SMARCC1: variants seen among roughly 807,000 people sequenced by gnomAD.
The protein encoded by SMARCC1 is SWI/SNF related BAF chromatin remodeling complex subunit C1.
Under a neutral mutation model 147.4 loss-of-function variants are expected in SMARCC1, and 43 were observed. The ratio of observed to expected loss-of-function variants is 0.29; its 90% CI spans 0.23 to 0.38. The LOEUF (loss-of-function observed/expected upper bound fraction) is 0.38. Ranked by LOEUF, SMARCC1 falls within the 10% of genes least tolerant of loss-of-function variation. The pLI is 1.00. For missense variants in SMARCC1, 1,119 were observed against 1,381.1 expected (o/e 0.81, Z 3.01); for synonymous variants, 495 against 484.4 (o/e 1.02, Z -0.29).
intron 10 of SMARCC1, 62 bp downstream of exon 10, chr3:47,706,347 T>C: frequency 1.4e-6 from 2 of 1,412,304 alleles, no homozygotes; most frequent in Non-Finnish European, 1.9e-6. Flanking sequence ...GCTGGGATTA[T>C]AAGTGTAAGC....
At chr3:47,661,512 G>C (rs1480321361) in intron 20 of SMARCC1, 57 bp from the exon 21 acceptor site, 1 of 1,439,920 alleles carries the variant, frequency 6.9e-7, no homozygotes, top group African/African-American at 1.4e-5. Context: ...ATTTGCTTCA[G>C]TGTAAAACCA....
At chr3:47,592,822 G>GT (rs139189268) in intron 26 of SMARCC1, among the ~76,000 whole-genome samples, 83,236 of 136,442 alleles carry the variant, frequency 0.61, 26,171 homozygotes, top group East Asian at 0.72. Flanking sequence ...TGGTAGTCTT[G>GT]TTTTTTTTTT....
chr3:47,671,197 A>AAAC (rs1157129603), intron 18 of SMARCC1, among the ~76,000 whole-genome samples: 1 of 62,260 alleles, frequency 1.6e-5, no homozygotes, highest in African/African-American at 4.5e-5. Flanking sequence ...AAAAAAAAAA[A>AAAC]ACACACACAA....
intron 6 of SMARCC1, among the ~76,000 whole-genome samples, chr3:47,723,020 G>A (rs766136972): frequency 1.3e-5 from 2 of 152,118 alleles, no homozygotes; most frequent in East Asian, 1.9e-4. Flanking sequence ...CTGGTACCTC[G>A]CCCTGGAATG....
At chr3:47,712,172 C>A (rs566169454) in intron 8 of SMARCC1, among the ~76,000 whole-genome samples, 1 of 152,230 alleles carries the variant, frequency 6.6e-6, no homozygotes, top group Admixed American at 6.5e-5. Context: ...GCGGAGGTTG[C>A]AGTGAGCCAA....
intron 21 of SMARCC1, among the ~76,000 whole-genome samples, chr3:47,656,335 T>C (rs889294750): frequency 3.9e-5 from 6 of 152,334 alleles, no homozygotes; most frequent in East Asian, 3.9e-4. Flanking sequence ...AAGTCCTTAA[T>C]AGCAAAAATG....
At position 47,710,870 on chromosome 3, in the gene SMARCC1, T is replaced by C; in HGVS notation, c.793-62A>G. The C allele has an allele frequency of 2.1e-6, 3 of 1,396,844 alleles. 1 individual carries two copies. The South Asian group carries it at 4.0e-5, about 19-fold the overall frequency. 86.5% of individuals were successfully genotyped at this position (1,396,844 alleles called of 1,614,324 possible). On this transcript the variant is annotated intron_variant, in intron 8 of 27. Coordinates refer to ENST00000254480, the MANE Select transcript of SMARCC1 (RefSeq NM_003074.4). ...AACAAAATCACTCAAGGTTTTACAGTATTGAGAAGGAAACAAGCTGATTTA... is the reference window on the plus strand; with the variant it reads ...AACAAAATCACTCAAGGTTTTACAGCATTGAGAAGGAAACAAGCTGATTTA...
intron 21 of SMARCC1, among the ~76,000 whole-genome samples, chr3:47,640,854 A>G (rs982053634): frequency 1.3e-5 from 2 of 152,188 alleles, no homozygotes; most frequent in African/African-American, 4.8e-5. Flanking sequence ...CTAAAAAAAA[A>G]GAATAGAGCA....
chr3:47,778,187 T>G (rs2034997803), intron 1 of SMARCC1, among the ~76,000 whole-genome samples: 1 of 99,744 alleles, frequency 1.0e-5, no homozygotes. Flanking sequence ...CGAGACTCCA[T>G]CTCAAAAAAA....
chr3:47,751,402 A>G (rs1266444503), intron 2 of SMARCC1, among the ~76,000 whole-genome samples: 6 of 151,990 alleles, frequency 3.9e-5, no homozygotes, highest in Non-Finnish European at 8.8e-5. Flanking sequence ...TTAGCTGGGC[A>G]TGGTGGCAGG....
At chr3:47,736,269 T>G (rs2034441961) in intron 4 of SMARCC1, 143 bp from the exon 5 acceptor site, 1 of 553,254 alleles carries the variant, frequency 1.8e-6, no homozygotes, top group African/African-American at 2.0e-5. Flanking sequence ...ATTCAGCAAC[T>G]TTTTCATTAA....
chr3:47,595,908 T>C (rs963947278), intron 26 of SMARCC1, among the ~76,000 whole-genome samples: 1 of 151,762 alleles, frequency 6.6e-6, no homozygotes, highest in Non-Finnish European at 1.5e-5. Flanking sequence ...CTAATTTTTT[T>C]ATTTTTAGTA....
chr3:47,723,461 G>T (rs1350327601), intron 6 of SMARCC1, among the ~76,000 whole-genome samples: 1 of 142,614 alleles, frequency 7.0e-6, no homozygotes, highest in African/African-American at 2.6e-5. Context: ...GTGACGGAAT[G>T]AAATTCTGTC....
intron 2 of SMARCC1, among the ~76,000 whole-genome samples, chr3:47,760,909 G>C (rs905078511): frequency 6.6e-6 from 1 of 151,766 alleles, no homozygotes; most frequent in African/African-American, 2.4e-5. Context: ...AAGGCAGGCA[G>C]ATCACTTGAG....
chr3:47,600,276 A>G (rs1171402181), intron 26 of SMARCC1, among the ~76,000 whole-genome samples: 1 of 152,230 alleles, frequency 6.6e-6, no homozygotes, highest in African/African-American at 2.4e-5. Context: ...CTCTCAGGAA[A>G]GCAAGAGGTA....
At chr3:47,657,597 G>A (rs570852527) in intron 21 of SMARCC1, among the ~76,000 whole-genome samples, 3 of 152,016 alleles carry the variant, frequency 2.0e-5, no homozygotes, top group Non-Finnish European at 2.9e-5. Context: ...CAGGAGTTCC[G>A]AGATGAGCCT....
At chr3:47,603,677 A>C (rs1464959444) in intron 26 of SMARCC1, 2 of 235,130 alleles carry the variant, frequency 8.5e-6, no homozygotes, top group East Asian at 1.2e-4. Context: ...GAGAATCTTA[A>C]TGTAGGCATC....
chr3:47,781,280 T>C (rs572955733), intron 1 of SMARCC1, among the ~76,000 whole-genome samples: 5 of 152,338 alleles, frequency 3.3e-5, no homozygotes, highest in East Asian at 1.9e-4. Context: ...TTAGGGATCA[T>C]TGTTCACACA....
At chr3:47,738,145 C>A in intron 3 of SMARCC1, 35 bp from the exon 4 acceptor site, 1 of 1,427,582 alleles carries the variant, frequency 7.0e-7, no homozygotes, top group Non-Finnish European at 9.6e-7. Flanking sequence ...TAATTTGTCT[C>A]CCAGCTTAAA....
Sources: allele counts gnomAD v4.1 joint callset (sites outside exome capture counted in the v4.1 genomes callset), GRCh38; gene constraint gnomAD v4.1.1; transcripts MANE v1.5; gene names NCBI Gene and HGNC (gene_info 2026-07-23, HGNC 2026-07-21).